The following CARMIL1 variants were observed in gnomAD, a reference collection of about 807,000 sequenced individuals.
CARMIL1 encodes the protein capping protein regulator and myosin 1 linker 1.
Under a neutral mutation model 177.1 loss-of-function variants are expected in CARMIL1, and 90 were observed. That is an observed-to-expected ratio of 0.51 (90% confidence interval 0.43 to 0.61). CARMIL1 has a LOEUF of 0.61. CARMIL1 is among the 20% of genes least tolerant of loss of function. The pLI, the probability that CARMIL1 is intolerant of heterozygous loss-of-function variation, is 0.00. For missense variants in CARMIL1, 1,380 were observed against 1,667.0 expected (o/e 0.83, Z 3.00); for synonymous variants, 577 against 606.2 (o/e 0.95, Z 0.71).
rs561539942 is a variant in CARMIL1 at position 25,582,699 on chromosome 6, G to A, written c.3006+1260G>A. Among the ~76,000 whole-genome samples, 142 of 152,070 alleles carry A rather than the reference G, an allele frequency of 9.3e-4. 1 individual carries two copies. Among genetic ancestry groups the A allele is most frequent in the African/African-American group, 3.3e-3 (135 of 41,462 alleles). Reference sequence around the variant, plus strand: ...TTCTTATTGCTTCCCCCCATCTCCTGGGCTGAGAACTACTTTCAAATTTTT... The same window carrying A: ...TTCTTATTGCTTCCCCCCATCTCCTAGGCTGAGAACTACTTTCAAATTTTT... On this transcript the variant is annotated intron_variant, in intron 31 of 36. Transcript: ENST00000329474.
Position 25,547,289 on chromosome 6 carries a change from G to T in CARMIL1, c.2329-3621G>T, listed in dbSNP as rs1164992347. The stretch of plus-strand genomic sequence containing the variant: ...ATAATTCTAATAGACATTCCAATAG[G>T]TTTTTAATAGAACTTGACAAAGCTG... On this transcript the variant is annotated intron_variant, in intron 26 of 36. Transcript: ENST00000329474. Among the ~76,000 whole-genome samples the T allele has an allele frequency of 8.5e-5, 13 of 152,200 alleles. No individual in the cohort carries two copies. In the East Asian group the frequency reaches 2.5e-3, roughly 29 times the overall value.
intron 2 of CARMIL1, among the ~76,000 whole-genome samples, chr6:25,359,731 C>A (rs1293027327): frequency 6.6e-6 from 1 of 152,038 alleles, no homozygotes; most frequent in Non-Finnish European, 1.5e-5. Flanking sequence ...GCACAGTGGG[C>A]GGAACCGGGA....
At chr6:25,603,478 G>A (rs371222809) in intron 33 of CARMIL1, among the ~76,000 whole-genome samples, 1 of 152,170 alleles carries the variant, frequency 6.6e-6, no homozygotes, top group East Asian at 1.9e-4. Context: ...CCTGGGGAGT[G>A]TGTGACTGGG....
Position 25,502,849 on chromosome 6 carries a change from G to A in CARMIL1, c.1395+2614G>A, listed in dbSNP as rs139366819. On this transcript the variant is annotated intron_variant, in intron 17 of 36. Coordinates refer to ENST00000329474, the MANE Select transcript of CARMIL1 (RefSeq NM_017640.6). The stretch of plus-strand genomic sequence containing the variant: ...TCTTTTGCTAATAGTAATATTGACT[G>A]TGATAATTATTAGACTACTAAGTAT... Among the ~76,000 whole-genome samples the A allele has an allele frequency of 6.1e-3, 925 of 152,242 alleles. 8 individuals carry two copies. Among genetic ancestry groups the A allele is most frequent in the African/African-American group, 0.019 (793 of 41,550 alleles).
chr6:25,422,225 G>T (rs1456878311), intron 3 of CARMIL1, among the ~76,000 whole-genome samples: 1 of 152,100 alleles, frequency 6.6e-6, no homozygotes, highest in African/African-American at 2.4e-5. Context: ...CAGCCTTATC[G>T]TGCTATGATG....
intron 12 of CARMIL1, among the ~76,000 whole-genome samples, chr6:25,486,224 T>C (rs1177638524): frequency 1.3e-5 from 2 of 152,180 alleles, no homozygotes; most frequent in East Asian, 3.8e-4. Flanking sequence ...TCTATACTTT[T>C]ATAATTCTCC....
chr6:25,389,366 T>TG (rs35868119), intron 2 of CARMIL1, among the ~76,000 whole-genome samples: 9,032 of 151,828 alleles, frequency 0.059, 566 homozygotes, highest in East Asian at 0.28. Context: ...TTTTGAGATT[T>TG]GGGGGGGTCT....
Position 25,519,037 on chromosome 6 carries a change from CTA to C in CARMIL1, c.1875-1204_1875-1203del, listed in dbSNP as rs772560527. On this transcript the variant is annotated intron_variant, in intron 22 of 36. Transcript: ENST00000329474. Reference sequence around the variant, plus strand: ...TCTGATTATTTTACATGAAGCTACTCTATAAGTTGGACTGGGTGAATATTTTT... The same window carrying C: ...TCTGATTATTTTACATGAAGCTACTCTAAGTTGGACTGGGTGAATATTTTT... Among the ~76,000 whole-genome samples the C allele has an allele frequency of 8.5e-5, 13 of 152,348 alleles. 1 individual carries two copies. In the East Asian group the frequency reaches 1.7e-3, roughly 20 times the overall value.
rs1428727324 is a variant in CARMIL1 at position 25,450,712 on chromosome 6, G to T, written c.614+1G>T. ...AAGATTTTAGTCATCTTGACCACAGGTAAGCTGCTTCCTTCCTTCTTTCCT... is the reference window on the plus strand; with the variant it reads ...AAGATTTTAGTCATCTTGACCACAGTTAAGCTGCTTCCTTCCTTCTTTCCT... On this transcript the variant is annotated splice_donor_variant, in intron 8 of 36. Transcript: ENST00000329474. LOFTEE classifies it high-confidence loss of function. 1 of 1,594,488 alleles carries T rather than the reference G, an allele frequency of 6.3e-7. No individual in the cohort carries two copies. Among genetic ancestry groups the T allele is most frequent in the South Asian group, 1.1e-5 (1 of 89,130 alleles).
chr6:25,403,748 C>T (rs191575826), intron 2 of CARMIL1, among the ~76,000 whole-genome samples: 2 of 152,192 alleles, frequency 1.3e-5, no homozygotes, highest in Admixed American at 1.3e-4. Context: ...ATGCCACCCA[C>T]CTAACCCACC....
At chr6:25,472,709 C>T in intron 11 of CARMIL1, 188 bp downstream of exon 11, 1 of 553,936 alleles carries the variant, frequency 1.8e-6, no homozygotes. Flanking sequence ...TGATCTGCTT[C>T]ACCTTTTTTG....
intron 2 of CARMIL1, among the ~76,000 whole-genome samples, chr6:25,398,669 G>A (rs766236660): frequency 2.4e-4 from 36 of 152,166 alleles, no homozygotes; most frequent in Admixed American, 6.5e-5. Flanking sequence ...ACCAGACACT[G>A]TGCTGTGTGA....
At chr6:25,406,542 A>G (rs1190038660) in intron 2 of CARMIL1, among the ~76,000 whole-genome samples, 2 of 152,194 alleles carry the variant, frequency 1.3e-5, no homozygotes, top group Non-Finnish European at 2.9e-5. Context: ...CAAGTGGTCC[A>G]GGAGCAAGAG....
At chr6:25,315,364 T>C (rs575282857) in intron 2 of CARMIL1, among the ~76,000 whole-genome samples, 4 of 152,360 alleles carry the variant, frequency 2.6e-5, no homozygotes, top group Admixed American at 2.0e-4. Flanking sequence ...TACTGCTCAC[T>C]GTGTGAGGAT....
chr6:25,485,927 G>A (rs1399683926), intron 12 of CARMIL1, among the ~76,000 whole-genome samples: 2 of 147,004 alleles, frequency 1.4e-5, no homozygotes, highest in Non-Finnish European at 3.0e-5. Context: ...GCTCGATAAC[G>A]CAAGACAGAT....
Position 25,453,551 on chromosome 6 carries a change from A to T in CARMIL1, c.614+2840A>T, listed in dbSNP as rs73734010. Among the ~76,000 whole-genome samples, 459 of 152,322 alleles carry T rather than the reference A, an allele frequency of 3.0e-3. 1 individual carries two copies. Among genetic ancestry groups the T allele is most frequent in the African/African-American group, 9.9e-3 (410 of 41,576 alleles). ...TGTTTGTACTCAAGAGCTAAAATTT[A>T]ATAAAATGAGTAATGTTTACTGCTT... On this transcript the variant is annotated intron_variant, in intron 8 of 36. Transcript: ENST00000329474.
intron 33 of CARMIL1, among the ~76,000 whole-genome samples, chr6:25,601,596 C>T (rs1436418121): frequency 6.6e-6 from 1 of 152,034 alleles, no homozygotes; most frequent in African/African-American, 2.4e-5. Flanking sequence ...TGCTATATTC[C>T]AGATTTAAAA....
intron 2 of CARMIL1, among the ~76,000 whole-genome samples, chr6:25,347,648 AG>A (rs1787657819): frequency 6.6e-6 from 1 of 152,236 alleles, no homozygotes; most frequent in Admixed American, 6.5e-5. Flanking sequence ...AGAATGGCAA[AG>A]GTAGTTTAGA....
At chr6:25,465,621 C>T (rs1159694935) in intron 8 of CARMIL1, 1 of 430,532 alleles carries the variant, frequency 2.3e-6, no homozygotes, top group Non-Finnish European at 4.1e-6. Context: ...GGAGGTTTTT[C>T]AAGCAAATTC....
Sources: allele counts gnomAD v4.1 joint callset (sites outside exome capture counted in the v4.1 genomes callset), GRCh38; gene constraint gnomAD v4.1.1; transcripts MANE v1.5; gene names NCBI Gene and HGNC (gene_info 2026-07-23, HGNC 2026-07-21).